Variants in AATF observed in about 807,000 individuals in gnomAD.
AATF encodes the protein apoptosis antagonizing transcription factor, also known as protein AATF.
AATF carries 48 observed loss-of-function variants against 63.7 expected under a neutral mutation model. The observed-to-expected ratio is 0.75, with a 90% CI of 0.60 to 0.96. The LOEUF is 0.96. Among genes scored for constraint, AATF ranks in the 40% least tolerant of loss-of-function variants. The pLI is 0.00. For synonymous variants in AATF, 258 were observed against 247.7 expected, an observed-to-expected ratio of 1.04 and a Z score of -0.39; for missense variants, 639 against 685.7, an observed-to-expected ratio of 0.93 and a Z score of 0.76.
rs780364825 is a variant in AATF at position 37,056,701 on chromosome 17, T to A, written c.*37T>A. 6.2e-7 allele frequency: 1 copy of A among 1,609,140 alleles called. No individual in the cohort carries two copies. The highest frequency in any genetic ancestry group is 1.1e-5 in the South Asian group (1 of 90,964). On this transcript the variant is annotated 3_prime_UTR_variant, in exon 12 of 12. Transcript: ENST00000619387. ...TCCGACACCCAGTGGGCGCCTTGGC[T>A]GGTGCGGCTGCTGGTCCAGATGGAG...
At chr17:36,958,916 A>G (rs933557713) in intron 4 of AATF, among the ~76,000 whole-genome samples, 5 of 149,040 alleles carry the variant, frequency 3.4e-5, no homozygotes, top group African/African-American at 1.2e-4. Flanking sequence ...AGGCCAAGAC[A>G]GGTGGATCAC....
chr17:37,012,932 C>T (rs1184385614), intron 8 of AATF, among the ~76,000 whole-genome samples: 1 of 152,064 alleles, frequency 6.6e-6, no homozygotes, highest in Admixed American at 6.5e-5. Flanking sequence ...GCTTCATGAC[C>T]TTGGGTTAGG....
chr17:37,038,157 T>A (rs1006490190), intron 11 of AATF, among the ~76,000 whole-genome samples: 1 of 152,058 alleles, frequency 6.6e-6, no homozygotes, highest in African/African-American at 2.4e-5. Flanking sequence ...AAAATGAAAA[T>A]AAAATAAAAT....
intron 10 of AATF, among the ~76,000 whole-genome samples, chr17:37,028,824 A>G (rs898631609): frequency 6.6e-6 from 1 of 152,214 alleles, no homozygotes; most frequent in Middle Eastern, 3.4e-3. Context: ...ATTAGAAGCA[A>G]TGTATGTGTT....
intron 4 of AATF, among the ~76,000 whole-genome samples, chr17:36,981,693 C>CTTTCT (rs2071125981): frequency 7.6e-6 from 1 of 130,724 alleles, no homozygotes; most frequent in African/African-American, 3.3e-5. Flanking sequence ...TCTTCTTCTT[C>CTTTCT]TTTCTTTTCT....
intron 10 of AATF, chr17:37,031,379 C>A: frequency 1.8e-6 from 1 of 549,792 alleles, no homozygotes; most frequent in Non-Finnish European, 3.3e-6. Flanking sequence ...CTTGAGCATC[C>A]GTGGATTTTT....
chr17:37,040,457 A>G (rs941083448), intron 11 of AATF, among the ~76,000 whole-genome samples: 2 of 71,708 alleles, frequency 2.8e-5, no homozygotes, highest in Non-Finnish European at 5.2e-5. Flanking sequence ...ATATATTTTC[A>G]TTTGTTCCTC....
intron 4 of AATF, among the ~76,000 whole-genome samples, chr17:36,974,983 A>G (rs371357733): frequency 1.3e-5 from 2 of 152,204 alleles, no homozygotes; most frequent in East Asian, 3.8e-4. Flanking sequence ...AAAAAATAAT[A>G]AAAGTAAAAC....
chr17:37,019,990 G>T (rs1413309519), intron 9 of AATF, among the ~76,000 whole-genome samples: 2 of 151,994 alleles, frequency 1.3e-5, no homozygotes, highest in Non-Finnish European at 2.9e-5. Context: ...ACAGTAATTG[G>T]ATTTCCCTAG....
intron 8 of AATF, among the ~76,000 whole-genome samples, chr17:37,013,777 C>A (rs550606257): frequency 2.7e-4 from 41 of 152,288 alleles, no homozygotes; most frequent in Non-Finnish European, 5.3e-4. Context: ...ATTTTTCTTA[C>A]AAATTTGTTT....
chr17:37,043,729 C>T (rs1033405715), intron 11 of AATF, among the ~76,000 whole-genome samples: 3 of 152,152 alleles, frequency 2.0e-5, no homozygotes, highest in African/African-American at 4.8e-5. Flanking sequence ...CTGAGCTCAG[C>T]GCTGACTCAG....
intron 8 of AATF, among the ~76,000 whole-genome samples, chr17:37,011,514 A>C (rs1208333937): frequency 6.6e-6 from 1 of 152,212 alleles, no homozygotes; most frequent in Non-Finnish European, 1.5e-5. Flanking sequence ...GGGAAGAGGA[A>C]TTTCCAGGGG....
chr17:36,990,876 C>G lies in AATF; in HGVS notation c.1398+19C>G. ...CCACCAGGTGAGACTTTTACACTCT[C>G]TTGTTACAAATCATGTTTTAGCATT... On this transcript the variant is annotated intron_variant, in intron 8 of 11. Coordinates refer to ENST00000619387, the MANE Select transcript of AATF (RefSeq NM_012138.4). The G allele has an allele frequency of 6.6e-7, 1 of 1,504,952 alleles. No individual in the cohort carries two copies. Among genetic ancestry groups the G allele is most frequent in the South Asian group, 1.3e-5 (1 of 77,216 alleles). The allele number at this position is 1,504,952 out of a possible 1,614,324, so 93.2% of individuals were successfully genotyped here.
intron 9 of AATF, among the ~76,000 whole-genome samples, chr17:37,019,418 A>G (rs1005569733): frequency 9.9e-5 from 15 of 152,208 alleles, no homozygotes; most frequent in African/African-American, 3.4e-4. Flanking sequence ...CTGTCAGAAC[A>G]TGGCACTGCG....
rs560576917 is a variant in AATF at position 36,953,336 on chromosome 17, A to G, written c.694+40A>G. Reference sequence around the variant, plus strand: ...TTGCTGATTGCCTGTTTTTCAAAGTATCTGCATTTGGTCTACTTTTCATTT... The same window carrying G: ...TTGCTGATTGCCTGTTTTTCAAAGTGTCTGCATTTGGTCTACTTTTCATTT... On this transcript the variant is annotated intron_variant, in intron 3 of 11. Transcript: ENST00000619387. 60 of 1,583,494 alleles carry G rather than the reference A, an allele frequency of 3.8e-5. No individual in the cohort carries two copies. The South Asian group carries it at 6.0e-4, about 16-fold the overall frequency.
chr17:36,975,896 T>A (rs994893193), intron 4 of AATF, among the ~76,000 whole-genome samples: 1 of 152,240 alleles, frequency 6.6e-6, no homozygotes, highest in Non-Finnish European at 1.5e-5. Flanking sequence ...CTAAGCATCT[T>A]CTCTGATGTA....
chr17:37,004,597 G>T lies in AATF; in HGVS notation c.1398+13740G>T, dbSNP rs143855793. On this transcript the variant is annotated intron_variant, in intron 8 of 11. Transcript: ENST00000619387. ...TGGATAGAGGGAAGGCAGGACTTAT[G>T]AGTACAGTTGCAGGGAGGTAAGGGG... is the stretch of plus-strand genomic sequence containing the variant. Among the ~76,000 whole-genome samples the T allele has an allele frequency of 3.3e-3, 506 of 152,272 alleles. 2 individuals carry two copies. The highest frequency in any genetic ancestry group is 6.9e-3 in the Admixed American group (106 of 15,302).
intron 4 of AATF, among the ~76,000 whole-genome samples, chr17:36,979,957 G>T (rs2071108731): frequency 6.6e-6 from 1 of 152,156 alleles, no homozygotes; most frequent in South Asian, 2.1e-4. Context: ...ATAGGAGTCT[G>T]TGAATACTGT....
chr17:37,033,845 A>G (rs1306644083), intron 11 of AATF: 1 of 154,652 alleles, frequency 6.5e-6, no homozygotes, highest in African/African-American at 2.4e-5. Flanking sequence ...AAGAAGAGGA[A>G]AGAACTGTGC....
Sources: allele counts gnomAD v4.1 joint callset (sites outside exome capture counted in the v4.1 genomes callset), GRCh38; gene constraint gnomAD v4.1.1; transcripts MANE v1.5; gene names NCBI Gene and HGNC (gene_info 2026-07-23, HGNC 2026-07-21).